STK3: variants seen among roughly 807,000 people sequenced by gnomAD.
STK3 encodes the protein serine/threonine-protein kinase 3.
Under a neutral mutation model 58.0 loss-of-function variants are expected in STK3, and 41 were observed. That is an observed-to-expected ratio of 0.71 (90% confidence interval 0.55 to 0.92). The LOEUF (loss-of-function observed/expected upper bound fraction) is 0.92. Ranked by LOEUF, STK3 falls within the 40% of genes least tolerant of loss-of-function variation. The pLI is 0.00. For synonymous variants in STK3, 170 were observed against 191.0 expected, an observed-to-expected ratio of 0.89 and a Z score of 0.91; for missense variants, 479 against 602.7, an observed-to-expected ratio of 0.79 and a Z score of 2.15.
chr8:98,804,386 A>G (rs1165488306), intron 1 of STK3, among the ~76,000 whole-genome samples: 1 of 152,228 alleles, frequency 6.6e-6, no homozygotes, highest in African/African-American at 2.4e-5. Context: ...AGAAAACGTT[A>G]AGACTTAAAT....
intron 1 of STK3, among the ~76,000 whole-genome samples, chr8:98,886,682 CA>C (rs773032958): frequency 2.6e-5 from 4 of 152,168 alleles, no homozygotes; most frequent in Non-Finnish European, 4.4e-5. Flanking sequence ...GAGAAACAGT[CA>C]TTTCTCATTA....
chr8:98,806,411 G>A (rs897669832), intron 1 of STK3, among the ~76,000 whole-genome samples: 2 of 152,150 alleles, frequency 1.3e-5, no homozygotes, highest in East Asian at 1.9e-4. Flanking sequence ...GCTAGAAGTC[G>A]ATGCAAAGGC....
intron 6 of STK3, among the ~76,000 whole-genome samples, chr8:98,627,901 T>G (rs1818857739): frequency 6.6e-6 from 1 of 152,218 alleles, no homozygotes. Flanking sequence ...TTTTTGTACA[T>G]GTGGGTATCT....
chr8:98,597,901 A>G (rs1346762634), intron 6 of STK3: 8 of 985,214 alleles, frequency 8.1e-6, no homozygotes, highest in Non-Finnish European at 9.6e-6. Flanking sequence ...CAAATAACCT[A>G]ATTAATCTCA....
chr8:98,581,407 C>T (rs1813872012), intron 7 of STK3, among the ~76,000 whole-genome samples: 1 of 152,096 alleles, frequency 6.6e-6, no homozygotes, highest in Admixed American at 6.5e-5. Context: ...CACTGGCACT[C>T]CCCACTTAGG....
In STK3 at chr8:98,435,579, A is replaced by C. The variant is rs1275631467; in HGVS notation, n.292-1261T>G. Reference sequence around the variant, plus strand: ...ATACAAAGGGAGTGGGGTGGGGAGGAGGGGCAGTGCAGGTGGACGGGGAGG... The same window carrying C: ...ATACAAAGGGAGTGGGGTGGGGAGGCGGGGCAGTGCAGGTGGACGGGGAGG... On this transcript the variant is annotated intron_variant and non_coding_transcript_variant, in intron 2 of 3. Transcript: ENST00000517832. Among the ~76,000 whole-genome samples the C allele has an allele frequency of 2.2e-5, 3 of 136,318 alleles. No individual in the cohort carries two copies. The East Asian group carries it at 6.6e-4, about 30-fold the overall frequency. 89.4% of individuals were successfully genotyped at this position (136,318 alleles called of 152,430 possible).
chr8:98,729,966 G>A (rs1563937176), intron 4 of STK3, among the ~76,000 whole-genome samples: 1 of 151,996 alleles, frequency 6.6e-6, no homozygotes, highest in Non-Finnish European at 1.5e-5. Context: ...CTGGAAAATG[G>A]GTCATTAATA....
intron 10 of STK3, among the ~76,000 whole-genome samples, chr8:98,464,540 T>TAAAAAA: frequency 3.2e-3 from 222 of 69,166 alleles, no homozygotes; most frequent in Non-Finnish European, 3.9e-3. Context: ...TACTTAAAGT[T>TAAAAAA]AAAAAAAAAA....
At chr8:98,356,566 G>T in the STK3 span, among the ~76,000 whole-genome samples, 2 of 151,510 alleles carry the variant, frequency 1.3e-5, no homozygotes, top group Non-Finnish European at 1.5e-5. Flanking sequence ...AGCCAGGGGG[G>T]CTCCAGTACA....
upstream of STK3, among the ~76,000 whole-genome samples, chr8:98,392,914 A>G (rs1001588642): frequency 3.3e-5 from 5 of 152,102 alleles, no homozygotes; most frequent in Non-Finnish European, 5.9e-5. Flanking sequence ...TGTATCCTGG[A>G]TCCCCCCTTC....
At chr8:98,549,361 T>A (rs935588858) in intron 8 of STK3, among the ~76,000 whole-genome samples, 4 of 152,190 alleles carry the variant, frequency 2.6e-5, no homozygotes, top group Non-Finnish European at 4.4e-5. Context: ...TGACTACTGA[T>A]GTTGAGCAAT....
At chr8:98,349,070 G>C in the STK3 span, among the ~76,000 whole-genome samples, 1 of 152,300 alleles carries the variant, frequency 6.6e-6, no homozygotes, top group African/African-American at 2.4e-5. Context: ...ATATTATTTG[G>C]TGCTAAAGAG....
intron 1 of STK3, among the ~76,000 whole-genome samples, chr8:98,941,425 C>A (rs1840423760): frequency 6.6e-6 from 1 of 152,192 alleles, no homozygotes; most frequent in Non-Finnish European, 1.5e-5. Flanking sequence ...GCAAAAGGTC[C>A]CCGCCCCGCA....
intron 1 of STK3, among the ~76,000 whole-genome samples, chr8:98,916,390 G>T (rs1044364984): frequency 6.6e-6 from 1 of 152,144 alleles, no homozygotes; most frequent in Non-Finnish European, 1.5e-5. Flanking sequence ...CTCTAGCCTG[G>T]GTGACAGAGC....
At chr8:98,683,281 A>G (rs1390235234) in intron 6 of STK3, among the ~76,000 whole-genome samples, 1 of 152,088 alleles carries the variant, frequency 6.6e-6, no homozygotes, top group African/African-American at 2.4e-5. Flanking sequence ...AGCTCTTTCA[A>G]GTTGGATTTG....
At chr8:98,837,532 A>C (rs1835791145) in intron 3 of STK3, among the ~76,000 whole-genome samples, 1 of 152,204 alleles carries the variant, frequency 6.6e-6, no homozygotes, top group Non-Finnish European at 1.5e-5. Flanking sequence ...TAAGACACTA[A>C]ACACAGCCAC....
intron 7 of STK3, among the ~76,000 whole-genome samples, chr8:98,590,963 C>A (rs1334447551): frequency 6.6e-6 from 1 of 151,990 alleles, no homozygotes; most frequent in African/African-American, 2.4e-5. Flanking sequence ...TTTCTGCATT[C>A]TTTTTTACGT....
At chr8:98,650,350 C>T (rs916438312) in intron 6 of STK3, among the ~76,000 whole-genome samples, 5 of 152,152 alleles carry the variant, frequency 3.3e-5, no homozygotes, top group East Asian at 3.9e-4. Flanking sequence ...AAGAATGGCC[C>T]GGAGGGCAGC....
intron 1 of STK3, among the ~76,000 whole-genome samples, chr8:98,445,434 C>T (rs1322112451): frequency 6.6e-6 from 1 of 151,914 alleles, no homozygotes; most frequent in Admixed American, 6.6e-5. Flanking sequence ...AATATATTTC[C>T]ACCAAACATA....
Sources: gnomAD v4.1 joint callset for allele counts (sites outside exome capture counted in the v4.1 genomes callset) on GRCh38, gnomAD v4.1.1 for gene constraint, MANE v1.5 for transcripts, NCBI Gene and HGNC (gene_info 2026-07-23, HGNC 2026-07-21) for gene names.